Variants in BCL7C observed in about 807,000 individuals in gnomAD.
The protein encoded by BCL7C is B-cell CLL/lymphoma 7 protein family member C.
BCL7C carries 8 observed loss-of-function variants against 26.2 expected under a neutral mutation model. That is an observed-to-expected ratio of 0.30 (90% CI 0.18 to 0.55). The LOEUF is 0.55. Among genes scored for constraint, BCL7C ranks in the 20% least tolerant of loss-of-function variants. BCL7C has a pLI of 0.93. For missense variants in BCL7C, 262 were observed against 298.5 expected, an observed-to-expected ratio of 0.88 and a Z score of 0.90; for synonymous variants, 90 against 116.5, an observed-to-expected ratio of 0.77 and a Z score of 1.47.
intron 5 of BCL7C, among the ~76,000 whole-genome samples, chr16:30,860,947 C>G (rs1052317090): frequency 6.6e-6 from 1 of 152,168 alleles, no homozygotes. Context: ...CCTCCTCACA[C>G]CCGGTCCGGC....
At chr16:30,879,127 G>C (rs1223413622) in intron 5 of BCL7C, among the ~76,000 whole-genome samples, 2 of 152,198 alleles carry the variant, frequency 1.3e-5, no homozygotes, top group Non-Finnish European at 2.9e-5. Flanking sequence ...AGCCATCCCA[G>C]TTTGCTCAAG....
At chr16:30,881,427 A>ACACAC (rs1567320796) in intron 5 of BCL7C, among the ~76,000 whole-genome samples, 2 of 107,822 alleles carry the variant, frequency 1.9e-5, no homozygotes, top group African/African-American at 6.3e-5. Flanking sequence ...CACACACACA[A>ACACAC]CAAAAAATTA....
intron 5 of BCL7C, among the ~76,000 whole-genome samples, chr16:30,879,985 G>A (rs1313605625): frequency 2.2e-5 from 3 of 139,164 alleles, no homozygotes; most frequent in South Asian, 4.0e-4. Flanking sequence ...GCGTGATTCC[G>A]TCTCAAAAAA....
chr16:30,893,168 A>G lies in BCL7C; in HGVS notation c.171+44T>C. ...GTCAGCGTGGGGAGGAACTTGCCTG[A>G]GGTTGCACAGATGCAGGGCCTTGTG... On this transcript the variant is annotated intron_variant, in intron 2 of 5. Coordinates refer to ENST00000215115, the MANE Select transcript of BCL7C (RefSeq NM_004765.4). This position sits in a 1 kb window ranked among gnomAD's most constrained non-coding sequence, Gnocchi z 5.2. 1.9e-6 allele frequency: 3 copies of G among 1,588,868 alleles called. No individual in the cohort carries two copies. Among genetic ancestry groups the G allele is most frequent in the Non-Finnish European group, 2.6e-6 (3 of 1,162,204 alleles).
chr16:30,892,744 T>C lies in BCL7C; in HGVS notation c.284A>G (p.Glu95Gly). 1.2e-6 allele frequency: 2 copies of C among 1,614,164 alleles called. No homozygotes were observed. The highest frequency in any genetic ancestry group is 1.7e-6 in the Non-Finnish European group (2 of 1,180,022). ...CGAATGGAAACTCTGGTTGCTGTTC[T>C]CATCTGCGGGAGCAAGAGCCGAGAT... Reference protein sequence around the residue: ...GPLILLDLNDENSNQSFHSEG... With the variant: ...GPLILLDLNDGNSNQSFHSEG... The change falls in exon 4 of 6, where the codon GAG (glutamate) becomes GGG (glycine). Residue 95 changes from glutamate to glycine, a missense_variant. Physicochemically the swap from Glu to Gly is moderately conservative, Grantham distance 98. Transcript: ENST00000215115.
At chr16:30,873,766 G>C (rs373558513) in intron 5 of BCL7C, among the ~76,000 whole-genome samples, 1 of 149,402 alleles carries the variant, frequency 6.7e-6, no homozygotes, top group Non-Finnish European at 1.5e-5. Flanking sequence ...CAGGAGAATC[G>C]CTTGAACCTG....
At position 30,846,096 on chromosome 16, in the gene BCL7C, C is replaced by T. The variant is rs1189918356; in HGVS notation, c.529-10948G>A. Reference sequence around the variant, plus strand: ...CTGCACTCCAGCCTGGGCAACAGAGCGAGACTCCATCTCAAAAAAAAAAAA... The same window carrying T: ...CTGCACTCCAGCCTGGGCAACAGAGTGAGACTCCATCTCAAAAAAAAAAAA... On this transcript the variant is annotated intron_variant, in intron 5 of 5. Transcript: ENST00000380317. Among the ~76,000 whole-genome samples, 13 of 135,996 alleles carry T rather than the reference C, an allele frequency of 9.6e-5. No individual in the cohort carries two copies. The South Asian group carries it at 2.2e-3, about 23-fold the overall frequency. 89.2% of individuals were successfully genotyped at this position (135,996 alleles called of 152,430 possible).
intron 5 of BCL7C, among the ~76,000 whole-genome samples, chr16:30,843,338 A>G (rs879696697): frequency 9.9e-5 from 15 of 152,216 alleles, no homozygotes; most frequent in Non-Finnish European, 2.9e-5. Flanking sequence ...AGGCAGGAGG[A>G]TCACTTGAGA....
chr16:30,862,524 T>G (rs2054785623), intron 5 of BCL7C, among the ~76,000 whole-genome samples: 1 of 152,108 alleles, frequency 6.6e-6, no homozygotes, highest in African/African-American at 2.4e-5. Context: ...ACCTTCTACT[T>G]TGTAGTTCCC....
chr16:30,890,083 CG>C (rs1217526133), intron 4 of BCL7C, among the ~76,000 whole-genome samples: 1 of 151,956 alleles, frequency 6.6e-6, no homozygotes, highest in African/African-American at 2.4e-5. Context: ...GCCAATCAGA[CG>C]GGTTTGACTG....
chr16:30,855,751 CCT>C (rs911204714), intron 5 of BCL7C, among the ~76,000 whole-genome samples: 3 of 151,656 alleles, frequency 2.0e-5, no homozygotes, highest in Non-Finnish European at 4.4e-5. Context: ...ATAGCGAGCC[CCT>C]GTCTCTATTT....
At chr16:30,850,586 T>G (rs2054667044) in intron 5 of BCL7C, among the ~76,000 whole-genome samples, 1 of 152,196 alleles carries the variant, frequency 6.6e-6, no homozygotes, top group Non-Finnish European at 1.5e-5. Flanking sequence ...TCCTGAATAC[T>G]GTAGGTGATA....
intron 5 of BCL7C, among the ~76,000 whole-genome samples, chr16:30,839,602 G>C (rs1395766248): frequency 2.6e-5 from 4 of 152,244 alleles, no homozygotes; most frequent in African/African-American, 9.6e-5. Context: ...TGAAGAAGGA[G>C]GCAGCCATGT....
chr16:30,882,443 G>A (rs1040734560), intron 5 of BCL7C, among the ~76,000 whole-genome samples: 1 of 152,208 alleles, frequency 6.6e-6, no homozygotes, highest in Admixed American at 6.6e-5. Flanking sequence ...CATAGCAGAG[G>A]AGGGGTCAGG....
intron 5 of BCL7C, among the ~76,000 whole-genome samples, chr16:30,866,919 T>A (rs1016508747): frequency 1.3e-5 from 2 of 152,096 alleles, no homozygotes; most frequent in Non-Finnish European, 2.9e-5. Context: ...CTGAGCATGG[T>A]GGTGCACACC....
At chr16:30,838,327 T>C (rs1426238453) in intron 5 of BCL7C, among the ~76,000 whole-genome samples, 1 of 152,248 alleles carries the variant, frequency 6.6e-6, no homozygotes, top group Non-Finnish European at 1.5e-5. Context: ...GTATATAGTA[T>C]ACACATATAG....
At chr16:30,855,196 A>T (rs1251727949) in intron 5 of BCL7C, among the ~76,000 whole-genome samples, 1 of 152,026 alleles carries the variant, frequency 6.6e-6, no homozygotes, top group Non-Finnish European at 1.5e-5. Context: ...GGTCATCAGA[A>T]GTTTCTCCAC....
At chr16:30,890,025 G>A (rs1158444021) in intron 4 of BCL7C, among the ~76,000 whole-genome samples, 1 of 151,958 alleles carries the variant, frequency 6.6e-6, no homozygotes, top group Non-Finnish European at 1.5e-5. Flanking sequence ...AACCAAAAAC[G>A]GGTGAGAAAT....
At chr16:30,852,401 AG>A (rs2054683234) in intron 5 of BCL7C, 1 of 152,206 alleles carries the variant, frequency 6.6e-6, no homozygotes, top group African/African-American at 2.4e-5. Context: ...AATGATGTAT[AG>A]CATAACCACA....
Sources: gnomAD v4.1 joint callset for allele counts (sites outside exome capture counted in the v4.1 genomes callset) on GRCh38, gnomAD v4.1.1 for gene constraint, Gnocchi (gnomAD v3.1) non-coding constraint, MANE v1.5 for transcripts, NCBI Gene and HGNC (gene_info 2026-07-23, HGNC 2026-07-21) for gene names.